The following FAM120C variants were observed in gnomAD, a reference collection of about 807,000 sequenced individuals.
FAM120C encodes the protein constitutive coactivator of PPAR-gamma-like protein 2.
FAM120C carries 14 observed loss-of-function variants against 71.2 expected under a neutral mutation model. The ratio of observed to expected loss-of-function variants is 0.20; its 90% CI spans 0.13 to 0.31. The LOEUF (loss-of-function observed/expected upper bound fraction) is 0.31. Among genes scored for constraint, FAM120C ranks in the 10% least tolerant of loss-of-function variants. The probability of loss-of-function intolerance (pLI) is 1.00; values close to 1 mark genes in which losing one functional copy is unlikely to be tolerated. For synonymous variants in FAM120C, 354 were observed against 353.2 expected (o/e 1.00, Z -0.03); for missense variants, 500 against 879.0 (o/e 0.57, Z 5.45).
intron 4 of FAM120C, among the ~76,000 whole-genome samples, chrX:54,140,291 C>G (rs78387499): frequency 1.9e-5 from 1 of 53,217 alleles, no homozygotes; most frequent in South Asian, 8.4e-4. Flanking sequence ...GACTCTGTCT[C>G]AAAAAAAAAA....
At chrX:54,117,532 C>CAA (rs371728081) in intron 9 of FAM120C, among the ~76,000 whole-genome samples, 1 of 84,166 alleles carries the variant, frequency 1.2e-5, no homozygotes, top group East Asian at 3.6e-4. Context: ...CTGTTTCTAC[C>CAA]AAAAAAAAAA....
chrX:54,072,637 G>A lies in FAM120C; in HGVS notation c.*396C>T, dbSNP rs1233536098. 1.7e-5 allele frequency: 2 copies of A among 116,844 alleles called. No individual in the cohort carries two copies. The highest frequency in any genetic ancestry group is 6.6e-5 in the African/African-American group (2 of 30,513). 9.6% of individuals were successfully genotyped at this position (116,844 alleles called of 1,213,427 possible). ...ACAACCTCATAGGTTTATCATATAAGTCTTTGATAATGAGTATCATTATAA... is the reference window on the plus strand; with the variant it reads ...ACAACCTCATAGGTTTATCATATAAATCTTTGATAATGAGTATCATTATAA... On this transcript the variant is annotated 3_prime_UTR_variant, in exon 16 of 16. Transcript: ENST00000375180.
At chrX:54,172,853 G>C (rs781840613) in intron 1 of FAM120C, among the ~76,000 whole-genome samples, 5 of 112,099 alleles carry the variant, frequency 4.5e-5, no homozygotes, top group Non-Finnish European at 9.4e-5. Flanking sequence ...ACCATACTTT[G>C]AGAACCACTG....
At chrX:54,181,307 C>G (rs1557137356) in intron 1 of FAM120C, among the ~76,000 whole-genome samples, 1 of 111,356 alleles carries the variant, frequency 9.0e-6, no homozygotes, top group African/African-American at 3.3e-5. Context: ...CCCCAAGAAC[C>G]TTGGTTGGGG....
At chrX:54,108,410 G>T in intron 10 of FAM120C, among the ~76,000 whole-genome samples, 1 of 110,679 alleles carries the variant, frequency 9.0e-6, no homozygotes, top group South Asian at 3.9e-4. Context: ...ACAAGATTTT[G>T]GTGGAAACTA....
At chrX:54,081,600 C>G (rs970012661) in intron 13 of FAM120C, 140 bp from the exon 14 acceptor site, 25 of 577,272 alleles carry the variant, frequency 4.3e-5, no homozygotes, top group African/African-American at 7.1e-5. Flanking sequence ...TGGTGAAACC[C>G]TGTCTCTACT....
chrX:54,137,921 T>C (rs1466554195), intron 4 of FAM120C, among the ~76,000 whole-genome samples: 1 of 111,734 alleles, frequency 8.9e-6, no homozygotes, highest in Non-Finnish European at 1.9e-5. Context: ...TACCATATGA[T>C]ACAGCAATCC....
chrX:54,135,493 C>T (rs1557130385), intron 6 of FAM120C, 35 bp downstream of exon 6: 3 of 1,153,257 alleles, frequency 2.6e-6, no homozygotes, highest in Admixed American at 2.2e-5. Context: ...CAACCTGAGT[C>T]TAATGCTATC....
chrX:54,131,903 T>C (rs2067069491), intron 9 of FAM120C, among the ~76,000 whole-genome samples: 1 of 108,158 alleles, frequency 9.2e-6, no homozygotes, highest in African/African-American at 3.4e-5. Flanking sequence ...CGCCTGCCAC[T>C]GTGCCCAGCT....
intron 10 of FAM120C, among the ~76,000 whole-genome samples, chrX:54,098,016 G>A (rs1569531751): frequency 9.3e-6 from 1 of 107,049 alleles, no homozygotes; most frequent in African/African-American, 3.4e-5. Context: ...GTGAGCCACT[G>A]TGCCCGGCCT....
At chrX:54,097,155 G>T (rs997331707) in intron 10 of FAM120C, among the ~76,000 whole-genome samples, 1 of 111,980 alleles carries the variant, frequency 8.9e-6, no homozygotes, top group Non-Finnish European at 1.9e-5. Flanking sequence ...TTGTCAATCG[G>T]AGTCTTCAGA....
intron 10 of FAM120C, among the ~76,000 whole-genome samples, chrX:54,112,412 A>G (rs1306205604): frequency 5.0e-5 from 5 of 100,803 alleles, no homozygotes; most frequent in Admixed American, 1.1e-4. Flanking sequence ...GCAAGACCCC[A>G]CTCAAAAAAA....
intron 4 of FAM120C, among the ~76,000 whole-genome samples, chrX:54,143,849 A>T (rs868976969): frequency 9.8e-5 from 11 of 111,764 alleles, no homozygotes; most frequent in Middle Eastern, 9.2e-3. Context: ...AAAGCCTGGC[A>T]GAGACACAAC....
chrX:54,144,767 T>C (rs1174645043), intron 4 of FAM120C, among the ~76,000 whole-genome samples: 1 of 111,579 alleles, frequency 9.0e-6, no homozygotes, highest in Non-Finnish European at 1.9e-5. Flanking sequence ...TTCAATGCCA[T>C]CCCCATCAAG....
intron 3 of FAM120C, among the ~76,000 whole-genome samples, chrX:54,153,082 T>C: frequency 9.0e-6 from 1 of 111,305 alleles, no homozygotes; most frequent in East Asian, 2.8e-4. Context: ...ATAAGTGCTG[T>C]GCAGAGAAGA....
chrX:54,161,219 A>C (rs1557134387), intron 1 of FAM120C, among the ~76,000 whole-genome samples: 1 of 111,780 alleles, frequency 8.9e-6, no homozygotes, highest in Non-Finnish European at 1.9e-5. Flanking sequence ...TTGAGCATCC[A>C]TTTACCTTGT....
chrX:54,105,932 T>C (rs782406647), intron 10 of FAM120C, among the ~76,000 whole-genome samples: 1 of 112,087 alleles, frequency 8.9e-6, no homozygotes, highest in South Asian at 3.7e-4. Context: ...TGAAAAAACA[T>C]TTCATGGTCA....
At chrX:54,166,807 T>C (rs782182995) in intron 1 of FAM120C, among the ~76,000 whole-genome samples, 9 of 112,087 alleles carry the variant, frequency 8.0e-5, no homozygotes, top group Non-Finnish European at 9.4e-5. Context: ...ACTGATAATA[T>C]TGGTCCCCTC....
chrX:54,098,978 T>C (rs1462299575), intron 10 of FAM120C, among the ~76,000 whole-genome samples: 1 of 108,058 alleles, frequency 9.3e-6, no homozygotes, highest in African/African-American at 3.3e-5. Context: ...ATTTAAAAAA[T>C]TGATTTATTC....
Sources: gnomAD v4.1 joint callset for allele counts (sites outside exome capture counted in the v4.1 genomes callset) on GRCh38, gnomAD v4.1.1 for gene constraint, MANE v1.5 for transcripts, NCBI Gene and HGNC (gene_info 2026-07-23, HGNC 2026-07-21) for gene names.